The following DNAH10 variants were observed in gnomAD, a reference collection of about 807,000 sequenced individuals.
DNAH10 encodes axonemal beta dynein heavy chain 10.
DNAH10 carries 348 observed loss-of-function variants against 506.6 expected under a neutral mutation model. The ratio of observed to expected loss-of-function variants is 0.69; its 90% CI spans 0.63 to 0.75. DNAH10 has a LOEUF of 0.75. Ranked by LOEUF, DNAH10 falls within the 30% of genes least tolerant of loss-of-function variation. The pLI, the probability that DNAH10 is intolerant of heterozygous loss-of-function variation, is 0.00. For missense variants in DNAH10, 5,179 were observed against 5,787.1 expected (o/e 0.89, Z 3.41); for synonymous variants, 2,059 against 2,198.6 (o/e 0.94, Z 1.78).
chr12:123,924,832 T>A (rs1230925959), intron 67 of DNAH10, among the ~76,000 whole-genome samples: 1 of 152,236 alleles, frequency 6.6e-6, no homozygotes, highest in Non-Finnish European at 1.5e-5. Flanking sequence ...CCATGTCCCT[T>A]GATGGGCACT....
At chr12:123,834,399 G>C (rs1174198728) in intron 27 of DNAH10, among the ~76,000 whole-genome samples, 1 of 151,992 alleles carries the variant, frequency 6.6e-6, no homozygotes, top group Non-Finnish European at 1.5e-5. Flanking sequence ...GTAGAGATAG[G>C]GTTTCACCAT....
chr12:123,795,615 T>C (rs1282471403), intron 12 of DNAH10, among the ~76,000 whole-genome samples: 3 of 152,218 alleles, frequency 2.0e-5, no homozygotes, highest in African/African-American at 7.2e-5. Context: ...CAGGATAATT[T>C]ATCTATTTTA....
rs530833436 is a variant in DNAH10 at position 123,920,049 on chromosome 12, G to A, written c.11506+1100G>A. Among the ~76,000 whole-genome samples, 5 of 152,306 alleles carry A rather than the reference G, an allele frequency of 3.3e-5. No individual in the cohort carries two copies. In the East Asian group the frequency reaches 9.6e-4, roughly 29 times the overall value. On this transcript the variant is annotated intron_variant, in intron 65 of 78. Coordinates refer to ENST00000673944, the MANE Select transcript of DNAH10 (RefSeq NM_001372106.1). ...AGGAACTGCCAAACTGTTTTCCAAAGTGACTACAGTATATTTAAACCCCTA... is the reference window on the plus strand; with the variant it reads ...AGGAACTGCCAAACTGTTTTCCAAAATGACTACAGTATATTTAAACCCCTA...
intron 2 of DNAH10, among the ~76,000 whole-genome samples, chr12:123,768,333 CCATG>C (rs1957126944): frequency 6.6e-6 from 1 of 152,228 alleles, no homozygotes; most frequent in Middle Eastern, 3.4e-3. Context: ...CGGGGTTTCA[CCATG>C]TTGGCCAGGC....
chr12:123,935,600 C>A lies in DNAH10; in HGVS notation c.*119C>A. On this transcript the variant is annotated 3_prime_UTR_variant, in exon 79 of 79. Coordinates refer to ENST00000673944, the MANE Select transcript of DNAH10 (RefSeq NM_001372106.1). ...AGGAGGGGGACTGACACTGATTTTT[C>A]ATTTGAAATCAGCCACTTAAATCTC... 1 of 1,087,354 alleles carries A rather than the reference C, an allele frequency of 9.2e-7. No homozygotes were observed. Among genetic ancestry groups the A allele is most frequent in the Non-Finnish European group, 1.3e-6 (1 of 783,154 alleles). 67.4% of individuals were successfully genotyped at this position (1,087,354 alleles called of 1,614,324 possible). A position where few individuals can be genotyped will look rare whatever the true frequency, so the allele number is the denominator to read the frequency against.
At chr12:123,778,307 CAG>C (rs773762733) in intron 5 of DNAH10, among the ~76,000 whole-genome samples, 1 of 152,082 alleles carries the variant, frequency 6.6e-6, no homozygotes, top group Non-Finnish European at 1.5e-5. Flanking sequence ...CTAAAGGACA[CAG>C]GGCTCAACTT....
rs944245414 is a variant in DNAH10, at chr12:123,907,251, G to T, written c.9816-2010G>T. ...CGGAGGGGGCACCTTCTCTGAGATT[G>T]CAAGGAGCTCGGCTGGAGAAAAAGC... On this transcript the variant is annotated intron_variant, in intron 57 of 78. Transcript: ENST00000673944. This position sits in a 1 kb window ranked among gnomAD's most constrained non-coding sequence, Gnocchi z 4.4. 1.3e-5 allele frequency among the ~76,000 whole-genome samples: 2 copies of T among 152,234 alleles called. No homozygotes were observed. Among genetic ancestry groups the T allele is most frequent in the Non-Finnish European group, 2.9e-5 (2 of 68,036 alleles).
intron 5 of DNAH10, among the ~76,000 whole-genome samples, chr12:123,780,278 G>A (rs770615493): frequency 3.9e-5 from 6 of 151,916 alleles, no homozygotes; most frequent in Non-Finnish European, 8.8e-5. Flanking sequence ...CAATTCTCAT[G>A]CCTCAGCCTC....
In DNAH10 at chr12:123,762,495, C is replaced by A; in HGVS notation, c.159C>A (p.Pro53=). The change falls in exon 1 of 79, where the codon CCC becomes CCA. Residue 53 remains proline, a synonymous_variant. Transcript: ENST00000673944. The surrounding 1 kb of genome is among the most constrained non-coding windows in gnomAD (Gnocchi z 5.0). ...FLNQASEEEG[P]SALFIYRTMV... is the part of the protein sequence containing the mutation. ...ACCAGGCGAGCGAGGAGGAGGGGCCCTCGGCGCTCTTCATCTACCGCACTA... is the reference window on the plus strand; with the variant it reads ...ACCAGGCGAGCGAGGAGGAGGGGCCATCGGCGCTCTTCATCTACCGCACTA... The A allele has an allele frequency of 1.3e-6, 2 of 1,529,536 alleles. No individual in the cohort carries two copies. The highest frequency in any genetic ancestry group is 8.8e-7 in the Non-Finnish European group (1 of 1,135,784). 94.7% of individuals were successfully genotyped at this position (1,529,536 alleles called of 1,614,324 possible).
At position 123,784,675 on chromosome 12, in the gene DNAH10, A is replaced by G. The variant is rs535373938; in HGVS notation, c.1230+498A>G. Among the ~76,000 whole-genome samples the G allele has an allele frequency of 3.4e-4, 52 of 152,336 alleles. 1 individual carries two copies. Among genetic ancestry groups the G allele is most frequent in the Middle Eastern group, 3.4e-3 (1 of 294 alleles). ...CACAATGCTGTGTGTCCATTACACTATTTCCAAAACAGTTTCATCTTCCCA... is the reference window on the plus strand; with the variant it reads ...CACAATGCTGTGTGTCCATTACACTGTTTCCAAAACAGTTTCATCTTCCCA... On this transcript the variant is annotated intron_variant, in intron 8 of 78. Transcript: ENST00000673944.
At position 123,860,030 on chromosome 12, in the gene DNAH10, T is replaced by TA. The variant is rs547855423; in HGVS notation, c.6749+777dup. 3.4e-3 allele frequency among the ~76,000 whole-genome samples: 447 copies of TA among 131,122 alleles called. 2 individuals carry two copies. The highest frequency in any genetic ancestry group is 8.6e-3 in the East Asian group (39 of 4,550). The allele number at this position is 131,122 out of a possible 152,430, so 86.0% of individuals were successfully genotyped here. A position where few individuals can be genotyped will look rare whatever the true frequency, so the allele number is the denominator to read the frequency against. On this transcript the variant is annotated intron_variant, in intron 38 of 78. Transcript: ENST00000673944. ...GGGCAACAGAGTGAGACCTTCTCTCTAAAAAAAAAAAAAAAGGAGAGTATG... is the reference window on the plus strand; with the variant it reads ...GGGCAACAGAGTGAGACCTTCTCTCTAAAAAAAAAAAAAAAAGGAGAGTATG...
intron 52 of DNAH10, among the ~76,000 whole-genome samples, chr12:123,890,334 G>A (rs1049828219): frequency 4.6e-5 from 7 of 152,020 alleles, no homozygotes; most frequent in Non-Finnish European, 7.4e-5. Flanking sequence ...GCAGCGGCAT[G>A]ATCATAGCTC....
At chr12:123,831,774 C>T (rs1445989581) in intron 26 of DNAH10, among the ~76,000 whole-genome samples, 7 of 148,186 alleles carry the variant, frequency 4.7e-5, no homozygotes, top group African/African-American at 1.2e-4. Flanking sequence ...GGTGTGGTGG[C>T]GGGTGCCTGT....
chr12:123,829,420 CA>C (rs372274730), intron 25 of DNAH10, among the ~76,000 whole-genome samples: 34 of 152,244 alleles, frequency 2.2e-4, no homozygotes, highest in Admixed American at 1.8e-3. Context: ...GGAGTTGGTT[CA>C]ACTTCCTGAA....
At position 123,928,715 on chromosome 12, in the gene DNAH10, G is replaced by A. The variant is rs534929825; in HGVS notation, c.12306+128G>A. The A allele has an allele frequency of 3.2e-5, 36 of 1,108,300 alleles. No homozygotes were observed. Among genetic ancestry groups the A allele is most frequent in the Non-Finnish European group, 3.3e-5 (26 of 796,232 alleles). 68.7% of individuals were successfully genotyped at this position (1,108,300 alleles called of 1,614,324 possible). A position where few individuals can be genotyped will look rare whatever the true frequency, so the allele number is the denominator to read the frequency against. On this transcript the variant is annotated intron_variant, in intron 70 of 78. Transcript: ENST00000673944. The surrounding 1 kb of genome is among the most constrained non-coding windows in gnomAD (Gnocchi z 4.9). ...CCTTAGGCTGCAGGTGAAACCTTGC[G>A]GTTGAAACCCTTCTCAATCCCACCT... is the stretch of plus-strand genomic sequence containing the variant.
At position 123,933,342 on chromosome 12, in the gene DNAH10, C is replaced by T. The variant is rs4930721; in HGVS notation, c.13308C>T (p.Ser4436=). ...FSQYMLWVTE[S]EPSVMWLSGL... Reference sequence around the variant, plus strand: ...TCTCTTCTCTCCAGGTGACCGAGAGCGAGCCCAGCGTGATGTGGCTCTCGG... The same window carrying T: ...TCTCTTCTCTCCAGGTGACCGAGAGTGAGCCCAGCGTGATGTGGCTCTCGG... The change falls in exon 77 of 79, where the codon AGC becomes AGT. Residue 4436 remains serine, a synonymous_variant. Transcript: ENST00000673944. 472,820 of 1,572,818 alleles carry T rather than the reference C, an allele frequency of 0.3. 72,802 individuals are homozygous for T. Among genetic ancestry groups the T allele is most frequent in the Middle Eastern group, 0.35 (1,510 of 4,362 alleles).
chr12:123,917,785 T>C lies in DNAH10; in HGVS notation c.11204T>C (p.Leu3735Pro). ...MLDNVDLVHT[L>P]EETKSKATEV... ...GACAATGTGGACCTGGTGCACACCCTGGAGGAGACCAAATCCAAGGCAACA... is the reference window on the plus strand; with the variant it reads ...GACAATGTGGACCTGGTGCACACCCCGGAGGAGACCAAATCCAAGGCAACA... Residue 3735 changes from leucine (L) to proline (P), a missense_variant, in exon 64 of 79, where the codon CTG (leucine) becomes CCG (proline). Leu to Pro is a moderately conservative substitution (Grantham distance 98, BLOSUM62 -3). Transcript: ENST00000673944. The surrounding 1 kb of genome is among the most constrained non-coding windows in gnomAD (Gnocchi z 5.6). The C allele has an allele frequency of 6.3e-7, 1 of 1,575,204 alleles. No individual in the cohort carries two copies. Among genetic ancestry groups the C allele is most frequent in the Non-Finnish European group, 8.6e-7 (1 of 1,160,740 alleles).
chr12:123,853,284 C>T lies in DNAH10; in HGVS notation c.6370C>T (p.Leu2124Phe), dbSNP rs1251673049. 6.2e-7 allele frequency: 1 copy of T among 1,611,486 alleles called. No homozygotes were observed. The highest frequency in any genetic ancestry group is 8.5e-7 in the Non-Finnish European group (1 of 1,178,944). The part of the protein sequence containing the change: ...LSKQYHYDFG[L>F]RALKSVLVMA... ...CAAGCAGTATCACTATGATTTTGGA[C>T]TCAGAGCCCTGAAATCGGTGCTGGT... Residue 2124 changes from leucine to phenylalanine, a missense_variant, in exon 36 of 79, where the codon CTC becomes TTC. Transcript: ENST00000673944. The surrounding 1 kb of genome is among the most constrained non-coding windows in gnomAD (Gnocchi z 4.7).
intron 52 of DNAH10, among the ~76,000 whole-genome samples, chr12:123,889,394 G>T (rs972788688): frequency 6.6e-6 from 1 of 152,184 alleles, no homozygotes; most frequent in Non-Finnish European, 1.5e-5. Flanking sequence ...TCCTTGAGAG[G>T]GGGGATCGGG....
Sources: allele counts gnomAD v4.1 joint callset (sites outside exome capture counted in the v4.1 genomes callset), GRCh38; gene constraint gnomAD v4.1.1; non-coding constraint Gnocchi (gnomAD v3.1); transcripts MANE v1.5; gene names NCBI Gene and HGNC (gene_info 2026-07-23, HGNC 2026-07-21).